EXOSC9: variants seen among roughly 807,000 people sequenced by gnomAD.
EXOSC9 encodes the protein exosome complex component RRP45.
Under a neutral mutation model 56.5 loss-of-function variants are expected in EXOSC9, and 38 were observed. The ratio of observed to expected loss-of-function variants is 0.67; its 90% CI spans 0.52 to 0.88. The LOEUF (loss-of-function observed/expected upper bound fraction) is 0.88, where lower values mean the gene tolerates loss of function less well. EXOSC9 is among the 40% of genes least tolerant of loss of function. EXOSC9 has a pLI of 0.00. For synonymous variants in EXOSC9, 170 were observed against 170.8 expected (o/e 0.99, Z 0.04); for missense variants, 559 against 530.5 (o/e 1.05, Z -0.53).
chr4:121,804,802 A>G (rs199840615), intron 5 of EXOSC9, 43 bp downstream of exon 5: 5 of 1,506,664 alleles, frequency 3.3e-6, no homozygotes, highest in Non-Finnish European at 4.5e-6. Flanking sequence ...TGAATGAATG[A>G]GGAGGGTCTT....
intron 2 of EXOSC9, 74 bp from the exon 3 acceptor site, chr4:121,802,600 T>C: frequency 7.0e-7 from 1 of 1,435,828 alleles, no homozygotes; most frequent in Non-Finnish European, 9.6e-7. Flanking sequence ...AGATTGAAAC[T>C]TGTTATCTGT....
intron 10 of EXOSC9, 121 bp downstream of exon 10, chr4:121,814,168 T>C: frequency 1.7e-6 from 1 of 602,386 alleles, no homozygotes; most frequent in East Asian, 2.8e-5. Context: ...TAGTAATATA[T>C]AGCATATTAG....
At chr4:121,808,363 TTTC>T (rs1215319115) in intron 6 of EXOSC9, among the ~76,000 whole-genome samples, 1 of 152,116 alleles carries the variant, frequency 6.6e-6, no homozygotes, top group Non-Finnish European at 1.5e-5. Flanking sequence ...ATTTTCTTAT[TTTC>T]TTCTTTTTTT....
Position 121,801,396 on chromosome 4 carries a change from G to A in EXOSC9, c.-29G>A, listed in dbSNP as rs1229326335. ...GGGTTCCGTTTTTCCCGCGGATTCT[G>A]GTGCCTGTGGGGCCGGTGACCCAAC... On this transcript the variant is annotated 5_prime_UTR_variant, in exon 1 of 12. Coordinates refer to ENST00000243498, the MANE Select transcript of EXOSC9 (RefSeq NM_005033.3). 6.2e-7 allele frequency: 1 copy of A among 1,608,016 alleles called. No individual in the cohort carries two copies. The highest frequency in any genetic ancestry group is 8.5e-7 in the Non-Finnish European group (1 of 1,174,418).
In EXOSC9 at chr4:121,802,738, C is replaced by CT. The variant is rs762409826; in HGVS notation, c.234dup (p.Asn79Ter). 1 of 1,613,432 alleles carries CT rather than the reference C, an allele frequency of 6.2e-7. No homozygotes were observed. Among genetic ancestry groups the CT allele is most frequent in the Non-Finnish European group, 8.5e-7 (1 of 1,179,520 alleles). On this transcript the variant is annotated frameshift_variant, in exon 3 of 12. Transcript: ENST00000243498. LOFTEE classifies it high-confidence loss of function. ...ACTCAATCGGGCAACAGAAGGTATT[C>CT]TTTTTTTTAACCTTGAACTCTCTCA... is the stretch of plus-strand genomic sequence containing the variant.
At position 121,816,297 on chromosome 4, in the gene EXOSC9, T is replaced by G. The variant is rs1724498896; in HGVS notation, c.1157-72T>G. 8 of 870,280 alleles carry G rather than the reference T, an allele frequency of 9.2e-6. No homozygotes were observed. In the South Asian group the frequency reaches 1.4e-4, roughly 16 times the overall value. The allele number at this position is 870,280 out of a possible 1,614,324, so 53.9% of individuals were successfully genotyped here. On this transcript the variant is annotated intron_variant, in intron 10 of 11. Coordinates refer to ENST00000243498, the MANE Select transcript of EXOSC9 (RefSeq NM_005033.3). ...TTTAGAACGTCTGATAGAAATAAAT[T>G]CATGTAGAAATAAATTTTGCAAGAG...
rs1438156701 is a variant in EXOSC9 at position 121,809,993 on chromosome 4, A to C, written c.632A>C (p.Glu211Ala). 1.2e-6 allele frequency: 2 copies of C among 1,614,156 alleles called. No homozygotes were observed. Among genetic ancestry groups the C allele is most frequent in the South Asian group, 2.2e-5 (2 of 91,090 alleles). ...ACATATTTATTGGTGGATCCCAATG[A>C]ACGAGAAGAACGTGTGATGGATGGC... ...QGTYLLVDPN[E>A]REERVMDGLL... is the part of the protein sequence containing the mutation. The change falls in exon 7 of 12, where the codon GAA becomes GCA. Residue 211 changes from glutamate (E) to alanine (A), a missense_variant. By Grantham distance (107) the Glu-to-Ala change is moderately radical. Coordinates refer to ENST00000243498, the MANE Select transcript of EXOSC9 (RefSeq NM_005033.3).
At chr4:121,811,763 G>A in intron 8 of EXOSC9, 92 bp downstream of exon 8, 1 of 527,486 alleles carries the variant, frequency 1.9e-6, no homozygotes, top group South Asian at 3.8e-5. Flanking sequence ...TATTATGCAT[G>A]AACTTGATTT....
At chr4:121,801,519 G>A in intron 1 of EXOSC9, 29 bp downstream of exon 1, 3 of 1,607,072 alleles carry the variant, frequency 1.9e-6, no homozygotes, top group Non-Finnish European at 2.6e-6. Context: ...AGAATTGCGC[G>A]CTGCGTGGGC....
At chr4:121,804,800 T>A (rs1726972992) in intron 5 of EXOSC9, 41 bp downstream of exon 5, 3 of 1,508,798 alleles carry the variant, frequency 2.0e-6, no homozygotes, top group Non-Finnish European at 2.7e-6. Context: ...TATGAATGAA[T>A]GAGGAGGGTC....
chr4:121,802,838 T>C (rs778014605), intron 3 of EXOSC9, 45 bp downstream of exon 3: 86 of 1,612,856 alleles, frequency 5.3e-5, no homozygotes, highest in Admixed American at 1.0e-4. Flanking sequence ...TAGGAGAACC[T>C]AACAGCAGTG....
Position 121,809,851 on chromosome 4 carries a change from C to G in EXOSC9, c.606-116C>G, listed in dbSNP as rs1727156190. On this transcript the variant is annotated intron_variant, in intron 6 of 11. Transcript: ENST00000243498. Reference sequence around the variant, plus strand: ...CATTTCAGTGACCCAAATCCGTAGGCTCAGACCTTTATTCTCTGTTGACTT... The same window carrying G: ...CATTTCAGTGACCCAAATCCGTAGGGTCAGACCTTTATTCTCTGTTGACTT... 5.7e-5 allele frequency: 69 copies of G among 1,203,656 alleles called. 2 individuals carry two copies. In the South Asian group the frequency reaches 8.3e-4, roughly 15 times the overall value. 74.6% of individuals were successfully genotyped at this position (1,203,656 alleles called of 1,614,324 possible).
chr4:121,810,663 C>A (rs192819213), intron 7 of EXOSC9, among the ~76,000 whole-genome samples: 161 of 151,968 alleles, frequency 1.1e-3, no homozygotes, highest in African/African-American at 2.7e-3. Flanking sequence ...GTCTGGGCAA[C>A]AACAGCAAAA....
At chr4:121,816,164 G>C (rs1724493446) in intron 10 of EXOSC9, 1 of 650,856 alleles carries the variant, frequency 1.5e-6, no homozygotes, top group Non-Finnish European at 2.7e-6. Flanking sequence ...TCACCATGTT[G>C]GCCAGACTGG....
At chr4:121,814,122 C>A in intron 10 of EXOSC9, 75 bp downstream of exon 10, 2 of 880,508 alleles carry the variant, frequency 2.3e-6, no homozygotes, top group Non-Finnish European at 3.5e-6. Context: ...ATATATAATG[C>A]ATAAAATGTG....
At position 121,813,367 on chromosome 4, in the gene EXOSC9, C is replaced by T. The variant is rs1196945733; in HGVS notation, c.961C>T (p.Pro321Ser). The change falls in exon 9 of 12, where the codon CCT (proline) becomes TCT (serine). Residue 321 changes from proline to serine, a missense_variant. Coordinates refer to ENST00000243498, the MANE Select transcript of EXOSC9 (RefSeq NM_005033.3). ...KAEEIIAEAE[P>S]PSEVVSTPVL... Reference sequence around the variant, plus strand: ...AGAAGAAATCATTGCTGAAGCAGAACCTCCTTCAGAAGTGTATCTTTATTT... The same window carrying T: ...AGAAGAAATCATTGCTGAAGCAGAATCTCCTTCAGAAGTGTATCTTTATTT... 4 of 1,612,864 alleles carry T rather than the reference C, an allele frequency of 2.5e-6. No individual in the cohort carries two copies. In the South Asian group the frequency reaches 3.3e-5, roughly 13 times the overall value.
At chr4:121,809,460 C>T (rs1015860837) in intron 6 of EXOSC9, among the ~76,000 whole-genome samples, 14 of 152,112 alleles carry the variant, frequency 9.2e-5, no homozygotes, top group Non-Finnish European at 1.9e-4. Flanking sequence ...CACTAAGTCT[C>T]TGAAATCCAA....
In EXOSC9 at chr4:121,802,740, T is replaced by A. The variant is rs866993344; in HGVS notation, c.228T>A (p.Leu76=). ...PKLNRATEGI[L]FFNLELSQMA... ...TCAATCGGGCAACAGAAGGTATTCT[T>A]TTTTTTAACCTTGAACTCTCTCAGA... Residue 76 remains leucine (L), a synonymous_variant, in exon 3 of 12, where the codon CTT becomes CTA. Coordinates refer to ENST00000243498, the MANE Select transcript of EXOSC9 (RefSeq NM_005033.3). 3.7e-6 allele frequency: 6 copies of A among 1,614,096 alleles called. No homozygotes were observed. In the Middle Eastern group the frequency reaches 4.9e-4, roughly 133 times the overall value.
At chr4:121,808,471 A>G (rs1727110594) in intron 6 of EXOSC9, among the ~76,000 whole-genome samples, 4 of 152,094 alleles carry the variant, frequency 2.6e-5, no homozygotes, top group African/African-American at 9.7e-5. Context: ...TGAATTCTTC[A>G]GCCTCAGCCT....
Sources: allele counts gnomAD v4.1 joint callset (sites outside exome capture counted in the v4.1 genomes callset), GRCh38; gene constraint gnomAD v4.1.1; transcripts MANE v1.5; gene names NCBI Gene and HGNC (gene_info 2026-07-23, HGNC 2026-07-21).